The following TEX36 variants were observed in gnomAD, a reference collection of about 807,000 sequenced individuals.
TEX36 encodes testis expressed 36.
A neutral mutation model predicts 13.6 loss-of-function variants in TEX36; 12 were observed. That is an observed-to-expected ratio of 0.88 (90% confidence interval 0.56 to 1.43). The LOEUF (loss-of-function observed/expected upper bound fraction) is 1.43. Ranked by LOEUF, TEX36 falls within the 40% of genes most tolerant of loss-of-function variation. The pLI, the probability that TEX36 is intolerant of heterozygous loss-of-function variation, is 0.00. For synonymous variants in TEX36, 93 were observed against 83.0 expected, an observed-to-expected ratio of 1.12 and a Z score of -0.65; for missense variants, 224 against 228.3, an observed-to-expected ratio of 0.98 and a Z score of 0.12.
At chr10:125,599,378 C>T (rs1359952780) in intron 3 of TEX36, among the ~76,000 whole-genome samples, 1 of 152,190 alleles carries the variant, frequency 6.6e-6, no homozygotes, top group Admixed American at 6.5e-5. Flanking sequence ...GGGCAGTGTC[C>T]TGTTCTGTGT....
intron 3 of TEX36, among the ~76,000 whole-genome samples, chr10:125,640,846 G>C (rs746765922): frequency 2.5e-4 from 38 of 152,110 alleles, no homozygotes; most frequent in Non-Finnish European, 5.1e-4. Context: ...GATTCTTCTT[G>C]CTTGTTTTGT....
chr10:125,669,846 A>G (rs1222879769), intron 1 of TEX36, among the ~76,000 whole-genome samples: 2 of 152,184 alleles, frequency 1.3e-5, no homozygotes, highest in African/African-American at 4.8e-5. Context: ...AGAACGTGAT[A>G]GTGTTTGGTT....
downstream of TEX36, among the ~76,000 whole-genome samples, chr10:125,651,853 A>G (rs1846864914): frequency 6.6e-6 from 1 of 152,208 alleles, no homozygotes; most frequent in Non-Finnish European, 1.5e-5. Flanking sequence ...TACATCAATA[A>G]CACAAACAGT....
chr10:125,619,111 A>C (rs1454545729), downstream of TEX36, among the ~76,000 whole-genome samples: 1 of 151,564 alleles, frequency 6.6e-6, no homozygotes, highest in Admixed American at 6.6e-5. Flanking sequence ...GCCTGGGTGA[A>C]AGTGCGAGAC....
At chr10:125,637,857 C>G (rs1217986561) in intron 3 of TEX36, among the ~76,000 whole-genome samples, 4 of 152,084 alleles carry the variant, frequency 2.6e-5, no homozygotes, top group Non-Finnish European at 4.4e-5. Flanking sequence ...CTCCTGCCCC[C>G]ACTCCTGAGC....
chr10:125,598,337 A>T lies in TEX36; in HGVS notation c.265-21463T>A, dbSNP rs150924470. Among the ~76,000 whole-genome samples, 68 of 152,298 alleles carry T rather than the reference A, an allele frequency of 4.5e-4. No homozygotes were observed. In the East Asian group the frequency reaches 0.012, roughly 26 times the overall value. On this transcript the variant is annotated intron_variant, in intron 3 of 3. Coordinates refer to the TEX36 transcript ENST00000532135. The stretch of plus-strand genomic sequence containing the variant: ...CAACAGTGGAGGAAACAGGATTACA[A>T]AAACTGGGTTAGTTTTTTGGCGGTG...
At chr10:125,660,604 A>G (rs1847019548) in intron 3 of TEX36, among the ~76,000 whole-genome samples, 1 of 152,180 alleles carries the variant, frequency 6.6e-6, no homozygotes, top group Admixed American at 6.5e-5. Context: ...TGTAGAGAAA[A>G]GGCAACTCCA....
rs144523725 is a variant in TEX36 at position 125,678,106 on chromosome 10, G to A, written c.51+4833C>T. On this transcript the variant is annotated intron_variant, in intron 1 of 3. Transcript: ENST00000368821. ...TTCCTTGCTTTTTCATGTTTATTCT[G>A]TCCTTACATTGCTATCTGCACATCT... 2.0e-3 allele frequency among the ~76,000 whole-genome samples: 305 copies of A among 152,214 alleles called. 2 individuals carry two copies. The highest frequency in any genetic ancestry group is 7.2e-3 in the African/African-American group (300 of 41,514).
intron 3 of TEX36, among the ~76,000 whole-genome samples, chr10:125,586,063 G>A (rs1461730547): frequency 6.6e-6 from 1 of 152,212 alleles, no homozygotes; most frequent in African/African-American, 2.4e-5. Context: ...ACTGTGTGCA[G>A]GTGGGACACA....
At chr10:125,646,848 A>G (rs777811414) in intron 3 of TEX36, among the ~76,000 whole-genome samples, 2 of 152,202 alleles carry the variant, frequency 1.3e-5, no homozygotes, top group Non-Finnish European at 2.9e-5. Context: ...ACATGCCAAG[A>G]TTTGCACCCG....
downstream of TEX36, among the ~76,000 whole-genome samples, chr10:125,620,432 TC>T (rs1268679400): frequency 6.6e-6 from 1 of 152,120 alleles, no homozygotes; most frequent in Admixed American, 6.5e-5. Flanking sequence ...CATTCCTTCT[TC>T]CCTTTCTCTC....
chr10:125,592,289 C>T (rs915699236), intron 3 of TEX36, among the ~76,000 whole-genome samples: 8 of 152,258 alleles, frequency 5.3e-5, no homozygotes, highest in East Asian at 3.9e-4. Flanking sequence ...TGAAGCCAGA[C>T]GTGCGTTAGG....
At chr10:125,578,446 C>T (rs1845851426) in intron 3 of TEX36, 1 of 152,198 alleles carries the variant, frequency 6.6e-6, no homozygotes, top group Non-Finnish European at 1.5e-5. Flanking sequence ...GTTAACAGAA[C>T]TGAATTTTCA....
At chr10:125,679,235 AGCAGCT>A (rs1021480141) in intron 1 of TEX36, among the ~76,000 whole-genome samples, 16 of 147,428 alleles carry the variant, frequency 1.1e-4, no homozygotes, top group African/African-American at 4.0e-4. Context: ...ACCCAGCACC[AGCAGCT>A]GCAGCTGCAG....
At chr10:125,648,924 G>A (rs1181739630) in intron 3 of TEX36, among the ~76,000 whole-genome samples, 4 of 152,120 alleles carry the variant, frequency 2.6e-5, no homozygotes, top group Non-Finnish European at 4.4e-5. Flanking sequence ...AAGATCAAAT[G>A]AATGAAATGA....
intron 1 of TEX36, among the ~76,000 whole-genome samples, chr10:125,678,731 G>T (rs926038204): frequency 3.3e-5 from 5 of 152,114 alleles, no homozygotes; most frequent in Admixed American, 2.0e-4. Context: ...CAGCTGAGAT[G>T]GTAGTGGCCA....
At chr10:125,621,224 A>C (rs939211446), downstream of TEX36, among the ~76,000 whole-genome samples, 27 of 152,204 alleles carry the variant, frequency 1.8e-4, no homozygotes, top group Admixed American at 1.8e-3. Flanking sequence ...CCAGGAGCGG[A>C]ATTGCTGAGT....
intron 3 of TEX36, among the ~76,000 whole-genome samples, chr10:125,581,246 G>A (rs1303461550): frequency 6.6e-6 from 1 of 152,154 alleles, no homozygotes; most frequent in African/African-American, 2.4e-5. Context: ...GGGGACGGGA[G>A]TTGATTGACA....
intron 3 of TEX36, among the ~76,000 whole-genome samples, chr10:125,586,579 C>T (rs575068373): frequency 7.0e-5 from 10 of 143,520 alleles, no homozygotes; most frequent in African/African-American, 1.3e-4. Flanking sequence ...CGCTTGAGCC[C>T]GGGAGTTCGA....
Sources: gnomAD v4.1 joint callset for allele counts (sites outside exome capture counted in the v4.1 genomes callset) on GRCh38, gnomAD v4.1.1 for gene constraint, MANE v1.5 for transcripts, NCBI Gene and HGNC (gene_info 2026-07-23, HGNC 2026-07-21) for gene names.